Variants in SEC22C observed in about 807,000 individuals in gnomAD.
SEC22C encodes vesicle-trafficking protein SEC22c.
Under a neutral mutation model 34.7 loss-of-function variants are expected in SEC22C, and 29 were observed. The ratio of observed to expected loss-of-function variants is 0.84; its 90% CI spans 0.62 to 1.14. SEC22C has a LOEUF of 1.14. Among genes scored for constraint, SEC22C ranks in the 50% most tolerant of loss-of-function variants. The pLI, the probability that SEC22C is intolerant of heterozygous loss-of-function variation, is 0.00. For missense variants in SEC22C, 337 were observed against 369.0 expected, an observed-to-expected ratio of 0.91 and a Z score of 0.71; for synonymous variants, 117 against 132.8, an observed-to-expected ratio of 0.88 and a Z score of 0.82.
In SEC22C at chr3:42,597,242, G is replaced by T. The variant is rs189604712; in HGVS notation, c.-28+3718C>A. 1.1e-3 allele frequency among the ~76,000 whole-genome samples: 170 copies of T among 152,242 alleles called. 1 individual carries two copies. Among genetic ancestry groups the T allele is most frequent in the African/African-American group, 3.8e-3 (159 of 41,540 alleles). Reference sequence around the variant, plus strand: ...CTGTGATGGTGTGGAAGTACCAAAGGTTTGACTGTACTTTAAAAAGGTGAC... The same window carrying T: ...CTGTGATGGTGTGGAAGTACCAAAGTTTTGACTGTACTTTAAAAAGGTGAC... On this transcript the variant is annotated intron_variant, in intron 1 of 6. Transcript: ENST00000417572.
At chr3:42,600,885 G>T in intron 1 of SEC22C, 1 of 696,066 alleles carries the variant, frequency 1.4e-6, no homozygotes, top group South Asian at 2.7e-5. Context: ...GCCGGCGTGA[G>T]GCACCGTGGC....
Position 42,561,154 on chromosome 3 carries a change from C to T in SEC22C, c.489G>A (p.Gly163=). ...LTLEDTDVAN[G]VMNGHTPMHL... ...GCATCGGTGTGTGACCATTCATCACCCCATTTGCCACATCTGTGTCCTCCA... is the reference window on the plus strand; with the variant it reads ...GCATCGGTGTGTGACCATTCATCACTCCATTTGCCACATCTGTGTCCTCCA... The change falls in exon 4 of 7, where the codon GGG becomes GGA. Residue 163 remains glycine, a synonymous_variant. Coordinates refer to ENST00000264454, the MANE Select transcript of SEC22C (RefSeq NM_032970.4). 2 of 1,614,124 alleles carry T rather than the reference C, an allele frequency of 1.2e-6. No individual in the cohort carries two copies. The highest frequency in any genetic ancestry group is 2.2e-5 in the South Asian group (2 of 91,082).
At chr3:42,599,472 C>G (rs1705182865) in intron 1 of SEC22C, among the ~76,000 whole-genome samples, 2 of 149,698 alleles carry the variant, frequency 1.3e-5, no homozygotes, top group South Asian at 2.1e-4. Flanking sequence ...GCGGGCGGAT[C>G]ACGAGGTCAG....
In SEC22C at chr3:42,552,229, A is replaced by G; in HGVS notation, c.*1019T>C. 1 of 985,432 alleles carries G rather than the reference A, an allele frequency of 1.0e-6. No individual in the cohort carries two copies. Among genetic ancestry groups the G allele is most frequent in the African/African-American group, 1.7e-5 (1 of 57,360 alleles). 61.0% of individuals were successfully genotyped at this position (985,432 alleles called of 1,614,324 possible). ...TTGTTCATAAAAAATGAGGCCCTCA[A>G]GCTAATTAAGATGACTGGGAAAGGT... On this transcript the variant is annotated 3_prime_UTR_variant, in exon 7 of 7. Coordinates refer to ENST00000264454, the MANE Select transcript of SEC22C (RefSeq NM_032970.4).
intron 1 of SEC22C, among the ~76,000 whole-genome samples, chr3:42,576,245 C>T (rs1354942823): frequency 6.6e-6 from 1 of 151,622 alleles, no homozygotes; most frequent in Non-Finnish European, 1.5e-5. Context: ...TGCTTACATT[C>T]CAAAAGAAGA....
At position 42,549,760 on chromosome 3, in the gene SEC22C, A is replaced by G. The variant is rs368390801; in HGVS notation, c.*3488T>C. The G allele has an allele frequency of 1.0e-6, 1 of 985,542 alleles. No individual in the cohort carries two copies. The highest frequency in any genetic ancestry group is 4.7e-5 in the South Asian group (1 of 21,288). The allele number at this position is 985,542 out of a possible 1,614,324, so 61.0% of individuals were successfully genotyped here. A position where few individuals can be genotyped will look rare whatever the true frequency, so the allele number is the denominator to read the frequency against. On this transcript the variant is annotated 3_prime_UTR_variant, in exon 7 of 7. Transcript: ENST00000264454. ...TAGGGCAGAGGTAGAAAGAGGCAGGAGAGTTGGAGAACAAGAGCACCTAGA... is the reference window on the plus strand; with the variant it reads ...TAGGGCAGAGGTAGAAAGAGGCAGGGGAGTTGGAGAACAAGAGCACCTAGA...
At chr3:42,591,515 G>C in intron 1 of SEC22C, 1 of 1,611,572 alleles carries the variant, frequency 6.2e-7, no homozygotes, top group Non-Finnish European at 8.5e-7. Flanking sequence ...TTCTTTCTCT[G>C]ATCTTTCAGC....
chr3:42,580,362 TA>T (rs1704254723), intron 1 of SEC22C: 1 of 152,144 alleles, frequency 6.6e-6, no homozygotes, highest in South Asian at 2.1e-4. Flanking sequence ...GTGTTCACCA[TA>T]AAGTATATAC....
chr3:42,589,779 T>C (rs1318300533), intron 1 of SEC22C, among the ~76,000 whole-genome samples: 3 of 151,958 alleles, frequency 2.0e-5, no homozygotes, highest in Admixed American at 2.0e-4. Flanking sequence ...ACAAGAAAAA[T>C]TGTCTTCCAC....
At chr3:42,558,504 A>AT (rs68175523) in intron 4 of SEC22C, among the ~76,000 whole-genome samples, 2 of 150,124 alleles carry the variant, frequency 1.3e-5, no homozygotes, top group African/African-American at 4.9e-5. Context: ...AAAAAAAAAA[A>AT]GTTCAGGCAC....
chr3:42,552,560 C>G lies in SEC22C; in HGVS notation c.*688G>C. 1.0e-6 allele frequency: 1 copy of G among 979,238 alleles called. No homozygotes were observed. Among genetic ancestry groups the G allele is most frequent in the South Asian group, 4.7e-5 (1 of 21,148 alleles). 60.7% of individuals were successfully genotyped at this position (979,238 alleles called of 1,614,324 possible). On this transcript the variant is annotated 3_prime_UTR_variant, in exon 7 of 7. Coordinates refer to ENST00000264454, the MANE Select transcript of SEC22C (RefSeq NM_032970.4). ...CCCTGCAAATAAATATAAAACATCT[C>G]TGTACCCAAACAGTCCCACCACTAT...
intron 2 of SEC22C, 76 bp from the exon 3 acceptor site, chr3:42,563,762 T>C (rs769844212): frequency 1.9e-6 from 3 of 1,599,072 alleles, no homozygotes; most frequent in South Asian, 2.2e-5. Flanking sequence ...GACACAACCT[T>C]ACCTGAATTC....
At chr3:42,597,285 G>C (rs773243455) in intron 1 of SEC22C, among the ~76,000 whole-genome samples, 13 of 152,366 alleles carry the variant, frequency 8.5e-5, no homozygotes, top group African/African-American at 3.1e-4. Context: ...GCTGGGTGCA[G>C]TGACTCATGC....
chr3:42,599,146 TA>T (rs778990540), intron 1 of SEC22C, among the ~76,000 whole-genome samples: 4 of 151,300 alleles, frequency 2.6e-5, no homozygotes, highest in Non-Finnish European at 4.4e-5. Context: ...TTTGTATTTT[TA>T]GTAGAGAAAG....
intron 2 of SEC22C, chr3:42,565,979 A>T (rs1233892940): frequency 2.2e-6 from 1 of 444,780 alleles, no homozygotes; most frequent in Non-Finnish European, 4.5e-6. Flanking sequence ...TCCTTTTTCC[A>T]AAATACTACT....
At chr3:42,561,025 A>C in intron 4 of SEC22C, 92 bp downstream of exon 4, 1 of 1,354,228 alleles carries the variant, frequency 7.4e-7, no homozygotes, top group Non-Finnish European at 1.0e-6. Context: ...CCCTCTCCCC[A>C]AAAAATAGCT....
chr3:42,574,026 C>A (rs765362755), intron 1 of SEC22C, among the ~76,000 whole-genome samples: 7 of 152,160 alleles, frequency 4.6e-5, no homozygotes, highest in Middle Eastern at 3.4e-3. Context: ...AAAGGATAAA[C>A]CCAGAAACCC....
At chr3:42,554,822 ACT>A (rs1466153031) in intron 6 of SEC22C, among the ~76,000 whole-genome samples, 1 of 152,168 alleles carries the variant, frequency 6.6e-6, no homozygotes, top group Non-Finnish European at 1.5e-5. Flanking sequence ...ACTAGAATTA[ACT>A]CTGCCTATGA....
At position 42,551,769 on chromosome 3, in the gene SEC22C, C is replaced by T. The variant is rs1443785792; in HGVS notation, c.*1479G>A. On this transcript the variant is annotated 3_prime_UTR_variant, in exon 7 of 7. Coordinates refer to ENST00000264454, the MANE Select transcript of SEC22C (RefSeq NM_032970.4). ...TTTTCTTAAAATGATAACAAGGTAG[C>T]TCAATAACAATACAATACCAGTGAT... The T allele has an allele frequency of 2.1e-6, 2 of 969,670 alleles. No homozygotes were observed. The highest frequency in any genetic ancestry group is 3.5e-5 in the African/African-American group (2 of 56,916). 60.1% of individuals were successfully genotyped at this position (969,670 alleles called of 1,614,324 possible).
Sources: gnomAD v4.1 joint callset for allele counts (sites outside exome capture counted in the v4.1 genomes callset) on GRCh38, gnomAD v4.1.1 for gene constraint, MANE v1.5 for transcripts, NCBI Gene and HGNC (gene_info 2026-07-23, HGNC 2026-07-21) for gene names.